The following ENTHD1 variants were observed in gnomAD, a reference collection of about 807,000 sequenced individuals.
ENTHD1 encodes ENTH domain-containing protein 1.
A neutral mutation model predicts 39.1 loss-of-function variants in ENTHD1; 23 were observed. That is an observed-to-expected ratio of 0.59 (90% CI 0.42 to 0.83). ENTHD1 has a LOEUF of 0.83. ENTHD1 is among the 40% of genes least tolerant of loss of function. ENTHD1 has a pLI of 0.00. For synonymous variants in ENTHD1, 230 were observed against 258.2 expected (o/e 0.89, Z 1.05); for missense variants, 624 against 705.4 (o/e 0.88, Z 1.31).
intron 1 of ENTHD1, chr22:39,893,407 G>A (rs1319364275): frequency 6.6e-6 from 1 of 152,190 alleles, no homozygotes; most frequent in Non-Finnish European, 1.5e-5. Context: ...AGATGAGCCA[G>A]GTGCTGGGCG....
At chr22:39,827,992 A>C (rs2065839209) in intron 4 of ENTHD1, among the ~76,000 whole-genome samples, 1 of 152,258 alleles carries the variant, frequency 6.6e-6, no homozygotes, top group Non-Finnish European at 1.5e-5. Flanking sequence ...ATATAGAAAA[A>C]TGTCTATAAG....
chr22:39,818,291 G>T (rs1161588579), intron 5 of ENTHD1, among the ~76,000 whole-genome samples: 1 of 152,154 alleles, frequency 6.6e-6, no homozygotes, highest in Non-Finnish European at 1.5e-5. Flanking sequence ...GATGATTCCT[G>T]CCCCAGCCTT....
chr22:39,759,436 T>TAATCTATAG (rs1363563269), intron 6 of ENTHD1, among the ~76,000 whole-genome samples: 5 of 152,152 alleles, frequency 3.3e-5, no homozygotes, highest in Non-Finnish European at 7.4e-5. Context: ...AATCTTTTGG[T>TAATCTATAG]AATCTATAGG....
intron 2 of ENTHD1, among the ~76,000 whole-genome samples, chr22:39,880,661 T>TA (rs1182856311): frequency 6.6e-6 from 1 of 152,202 alleles, no homozygotes; most frequent in Non-Finnish European, 1.5e-5. Flanking sequence ...AGTTTATTTT[T>TA]AAAAAACTTT....
intron 3 of ENTHD1, among the ~76,000 whole-genome samples, chr22:39,860,699 T>C (rs1284790883): frequency 6.6e-6 from 1 of 152,264 alleles, no homozygotes; most frequent in Admixed American, 6.5e-5. Context: ...GTTGGAATTA[T>C]CTATTTGTAC....
intron 6 of ENTHD1, among the ~76,000 whole-genome samples, chr22:39,761,521 G>A (rs1028522188): frequency 6.6e-6 from 1 of 151,888 alleles, no homozygotes; most frequent in Non-Finnish European, 1.5e-5. Context: ...GATTTTTTCT[G>A]ACCCCTATGT....
chr22:39,836,699 A>G (rs1245343883), intron 3 of ENTHD1, among the ~76,000 whole-genome samples: 2 of 152,174 alleles, frequency 1.3e-5, no homozygotes, highest in African/African-American at 2.4e-5. Context: ...GTAATCACCA[A>G]TGTTAGAGGA....
chr22:39,880,469 T>C (rs1292343354), intron 2 of ENTHD1, among the ~76,000 whole-genome samples: 1 of 152,142 alleles, frequency 6.6e-6, no homozygotes, highest in African/African-American at 2.4e-5. Context: ...TAAAGTAAGC[T>C]ATGGACTTTG....
intron 3 of ENTHD1, among the ~76,000 whole-genome samples, chr22:39,839,413 T>C (rs2065928476): frequency 6.6e-6 from 1 of 152,008 alleles, no homozygotes; most frequent in Non-Finnish European, 1.5e-5. Context: ...GGAAGTAAAA[T>C]TTGAACAAGG....
chr22:39,847,134 T>C (rs2072575506), intron 3 of ENTHD1, among the ~76,000 whole-genome samples: 1 of 151,780 alleles, frequency 6.6e-6, no homozygotes, highest in Non-Finnish European at 1.5e-5. Flanking sequence ...TGTCCAACAA[T>C]GATAGACTGG....
chr22:39,819,083 T>C (rs2065757631), intron 5 of ENTHD1, among the ~76,000 whole-genome samples: 1 of 152,104 alleles, frequency 6.6e-6, no homozygotes, highest in Admixed American at 6.5e-5. Context: ...AAAAGAGCTA[T>C]CGGCTAGGCA....
chr22:39,777,621 C>CT (rs1220687431), intron 5 of ENTHD1, among the ~76,000 whole-genome samples: 1 of 151,964 alleles, frequency 6.6e-6, no homozygotes, highest in Non-Finnish European at 1.5e-5. Context: ...TGTAAAGGTG[C>CT]TTTTTTTCAT....
intron 5 of ENTHD1, among the ~76,000 whole-genome samples, chr22:39,768,182 T>G (rs1339004568): frequency 6.6e-6 from 1 of 152,170 alleles, no homozygotes; most frequent in Non-Finnish European, 1.5e-5. Context: ...TGCGTCAAAT[T>G]ATTCCTCTCC....
At chr22:39,803,889 C>A (rs541033955) in intron 5 of ENTHD1, among the ~76,000 whole-genome samples, 3 of 152,086 alleles carry the variant, frequency 2.0e-5, no homozygotes, top group Non-Finnish European at 4.4e-5. Context: ...TGGTCAGGTG[C>A]GGTGGCTCAT....
rs114784045 is a variant in ENTHD1, at chr22:39,889,767, T to C, written c.-155-1864A>G. Among the ~76,000 whole-genome samples the C allele has an allele frequency of 2.3e-3, 356 of 152,210 alleles. 1 individual carries two copies. Among genetic ancestry groups the C allele is most frequent in the African/African-American group, 7.9e-3 (329 of 41,526 alleles). On this transcript the variant is annotated intron_variant, in intron 1 of 6. Transcript: ENST00000325157. The stretch of plus-strand genomic sequence containing the variant: ...TGAGATAACCTCTTTTTGGTAAAAA[T>C]ACAACACACTCTTAACTAAGCAAGA...
chr22:39,881,368 A>T (rs2066336751), intron 2 of ENTHD1, among the ~76,000 whole-genome samples: 2 of 152,126 alleles, frequency 1.3e-5, no homozygotes, highest in African/African-American at 4.8e-5. Flanking sequence ...TAACAATTAG[A>T]CTCACTGCTT....
rs149426488 is a variant in ENTHD1, at chr22:39,867,857, C to A, written c.350-5850G>T. ...TCATGCTTCAAAGTATCCCCCTGTTCTATTCCAAATACACAGCAATAATAG... is the reference window on the plus strand; with the variant it reads ...TCATGCTTCAAAGTATCCCCCTGTTATATTCCAAATACACAGCAATAATAG... On this transcript the variant is annotated intron_variant, in intron 2 of 6. Coordinates refer to ENST00000325157, the MANE Select transcript of ENTHD1 (RefSeq NM_152512.4). This position sits in a 1 kb window ranked among gnomAD's most constrained non-coding sequence, Gnocchi z 4.5. Among the ~76,000 whole-genome samples the A allele has an allele frequency of 1.8e-3, 277 of 152,216 alleles. No homozygotes were observed. Among genetic ancestry groups the A allele is most frequent in the African/African-American group, 6.2e-3 (258 of 41,546 alleles).
At chr22:39,797,720 C>T (rs1056392234) in intron 5 of ENTHD1, among the ~76,000 whole-genome samples, 2 of 152,204 alleles carry the variant, frequency 1.3e-5, no homozygotes, top group East Asian at 3.9e-4. Flanking sequence ...GTATTCTTGG[C>T]TGGAAAGTTT....
rs111525149 is a variant in ENTHD1 at position 39,745,927 on chromosome 22, G to GT, written c.1220-1645dup. Among the ~76,000 whole-genome samples, 43 of 152,192 alleles carry GT rather than the reference G, an allele frequency of 2.8e-4. 1 individual carries two copies. Among genetic ancestry groups the GT allele is most frequent in the African/African-American group, 9.6e-4 (40 of 41,544 alleles). Reference sequence around the variant, plus strand: ...AATTCTTATTCATTGCATGTAACCTGTTTTATCTCTGAAGCATTACAGAAT... The same window carrying GT: ...AATTCTTATTCATTGCATGTAACCTGTTTTTATCTCTGAAGCATTACAGAAT... On this transcript the variant is annotated intron_variant, in intron 6 of 6. Coordinates refer to ENST00000325157, the MANE Select transcript of ENTHD1 (RefSeq NM_152512.4).
Sources: gnomAD v4.1 joint callset for allele counts (sites outside exome capture counted in the v4.1 genomes callset) on GRCh38, gnomAD v4.1.1 for gene constraint, Gnocchi (gnomAD v3.1) non-coding constraint, MANE v1.5 for transcripts, NCBI Gene and HGNC (gene_info 2026-07-23, HGNC 2026-07-21) for gene names.